Variants in TRDN observed in about 807,000 individuals in gnomAD.
The protein encoded by TRDN is triadin in skeletal muscle.
Under a neutral mutation model 149.7 loss-of-function variants are expected in TRDN, and 161 were observed. The observed-to-expected ratio is 1.08, with a 90% CI of 0.95 to 1.23. The LOEUF (loss-of-function observed/expected upper bound fraction) is 1.23, where lower values mean the gene tolerates loss of function less well. TRDN is among the 50% of genes most tolerant of loss of function. The probability of loss-of-function intolerance (pLI) is 0.00; values close to 1 mark genes in which losing one functional copy is unlikely to be tolerated. For synonymous variants in TRDN, 294 were observed against 250.5 expected (o/e 1.17, Z -1.64); for missense variants, 896 against 823.5 (o/e 1.09, Z -1.08).
intron 38 of TRDN, among the ~76,000 whole-genome samples, chr6:123,226,396 G>A (rs991722739): frequency 2.0e-5 from 3 of 151,772 alleles, no homozygotes; most frequent in Admixed American, 2.0e-4. Flanking sequence ...GTGTCCAAAA[G>A]GAACATATAT....
intron 9 of TRDN, among the ~76,000 whole-genome samples, chr6:123,472,820 C>T (rs941233384): frequency 6.6e-6 from 1 of 152,144 alleles, no homozygotes; most frequent in African/African-American, 2.4e-5. Context: ...GAGGCAACCC[C>T]CCAGCAGGGG....
At chr6:123,377,493 C>T (rs1270533237) in intron 18 of TRDN, among the ~76,000 whole-genome samples, 2 of 152,162 alleles carry the variant, frequency 1.3e-5, no homozygotes, top group Non-Finnish European at 2.9e-5. Flanking sequence ...TCTGATGCTG[C>T]TAGTTCACAG....
intron 13 of TRDN, among the ~76,000 whole-genome samples, chr6:123,390,045 G>C (rs1323216606): frequency 1.3e-5 from 2 of 152,032 alleles, no homozygotes; most frequent in African/African-American, 4.8e-5. Flanking sequence ...GATTTGGATG[G>C]ATGGGTATGG....
chr6:123,336,696 G>C (rs563026289), intron 22 of TRDN, among the ~76,000 whole-genome samples: 2 of 151,596 alleles, frequency 1.3e-5, no homozygotes, highest in African/African-American at 4.8e-5. Context: ...CATATTAGAT[G>C]CAGAATAAAT....
rs764922806 is a variant in TRDN at position 123,530,498 on chromosome 6, AT to A, written c.484+7del. On this transcript the variant is annotated splice_region_variant and intron_variant, in intron 5 of 40. Transcript: ENST00000334268. The stretch of plus-strand genomic sequence containing the variant: ...AAATGAAGAATAAACATAAAATGAA[AT>A]GTTTACCTTTAGTTTGTATTTTCCT... 22 of 1,233,018 alleles carry A rather than the reference AT, an allele frequency of 1.8e-5. No individual in the cohort carries two copies. Among genetic ancestry groups the A allele is most frequent in the Non-Finnish European group, 2.3e-5 (21 of 923,384 alleles). 76.4% of individuals were successfully genotyped at this position (1,233,018 alleles called of 1,614,324 possible).
chr6:123,404,772 T>C (rs1453462264), intron 12 of TRDN, among the ~76,000 whole-genome samples: 1 of 152,186 alleles, frequency 6.6e-6, no homozygotes, highest in Non-Finnish European at 1.5e-5. Flanking sequence ...CACGTTTGTG[T>C]CATGGTTCTA....
intron 1 of TRDN, among the ~76,000 whole-genome samples, chr6:123,627,656 C>T (rs1785749652): frequency 6.6e-6 from 1 of 152,184 alleles, no homozygotes; most frequent in African/African-American, 2.4e-5. Flanking sequence ...CAGGCATTGA[C>T]TTCTCCTATC....
At chr6:123,517,136 T>C (rs17689345) in intron 5 of TRDN, among the ~76,000 whole-genome samples, 17,630 of 152,040 alleles carry the variant, frequency 0.12, 1,307 homozygotes, top group Non-Finnish European at 0.17. Flanking sequence ...GTCGAACTGC[T>C]ATGAAGAAAA....
intron 32 of TRDN, among the ~76,000 whole-genome samples, chr6:123,266,082 ATATATAT>A (rs531347903): frequency 2.1e-4 from 28 of 130,402 alleles, no homozygotes; most frequent in African/African-American, 7.9e-4. Flanking sequence ...TTTTGTGTTT[ATATATAT>A]TATATATATT....
intron 23 of TRDN, among the ~76,000 whole-genome samples, chr6:123,322,961 T>C (rs1282176763): frequency 2.0e-5 from 3 of 152,082 alleles, no homozygotes; most frequent in Admixed American, 1.3e-4. Context: ...TTTCACTGTC[T>C]TGTGAGATCT....
At chr6:123,273,583 T>G (rs1237175873) in intron 27 of TRDN, among the ~76,000 whole-genome samples, 1 of 151,908 alleles carries the variant, frequency 6.6e-6, no homozygotes, top group Non-Finnish European at 1.5e-5. Context: ...GGAAAATAAA[T>G]AATAAAATAC....
At chr6:123,447,749 G>GGCCACAGA (rs1242764134) in intron 10 of TRDN, among the ~76,000 whole-genome samples, 2 of 151,582 alleles carry the variant, frequency 1.3e-5, no homozygotes, top group South Asian at 2.1e-4. Context: ...CTCTAGTCTG[G>GGCCACAGA]GCCACAGAGT....
chr6:123,634,161 T>C (rs1248059283), intron 1 of TRDN, among the ~76,000 whole-genome samples: 2 of 152,028 alleles, frequency 1.3e-5, no homozygotes, highest in African/African-American at 2.4e-5. Flanking sequence ...CCAGGCGTGA[T>C]GGTTCTTGCC....
chr6:123,225,832 A>C (rs1775337685), intron 38 of TRDN, among the ~76,000 whole-genome samples: 1 of 151,768 alleles, frequency 6.6e-6, no homozygotes, highest in Admixed American at 6.6e-5. Context: ...AATAATGTGG[A>C]AGTAATTTTA....
intron 10 of TRDN, among the ~76,000 whole-genome samples, chr6:123,444,796 GGCTCTGTTTATAT>G (rs1775206659): frequency 6.6e-6 from 1 of 152,124 alleles, no homozygotes; most frequent in Non-Finnish European, 1.5e-5. Context: ...TTTTGTCTTT[GGCTCTGTTTATAT>G]GCTGGATTAC....
chr6:123,540,167 A>C (rs1780754142), intron 4 of TRDN, among the ~76,000 whole-genome samples: 1 of 152,346 alleles, frequency 6.6e-6, no homozygotes, highest in Non-Finnish European at 1.5e-5. Flanking sequence ...GATAAAGTGC[A>C]TATTTCTTCT....
chr6:123,509,860 A>T (rs1176848429), intron 7 of TRDN: 1 of 152,146 alleles, frequency 6.6e-6, no homozygotes, highest in Non-Finnish European at 1.5e-5. Context: ...ATTTTTGTGA[A>T]GAATACTCAA....
chr6:123,310,283 T>C (rs1003095382), intron 24 of TRDN, among the ~76,000 whole-genome samples: 1 of 151,998 alleles, frequency 6.6e-6, no homozygotes, highest in Non-Finnish European at 1.5e-5. Context: ...ATAACATTAA[T>C]GGAAAAATTT....
At chr6:123,531,023 T>C (rs1780229556) in intron 4 of TRDN, among the ~76,000 whole-genome samples, 1 of 151,974 alleles carries the variant, frequency 6.6e-6, no homozygotes. Flanking sequence ...GTATTGACTC[T>C]AAGCTATGTT....
Sources: allele counts gnomAD v4.1 joint callset (sites outside exome capture counted in the v4.1 genomes callset), GRCh38; gene constraint gnomAD v4.1.1; transcripts MANE v1.5; gene names NCBI Gene and HGNC (gene_info 2026-07-23, HGNC 2026-07-21).